Variants in WAS observed in about 807,000 individuals in gnomAD.
WAS encodes the protein WASP actin nucleation promoting factor.
Under a neutral mutation model 38.9 loss-of-function variants are expected in WAS, and 1 was observed. That is an observed-to-expected ratio of 0.03 (90% confidence interval 0.01 to 0.12). The LOEUF (loss-of-function observed/expected upper bound fraction) is 0.12. Among genes scored for constraint, WAS ranks in the 10% least tolerant of loss-of-function variants. The pLI is 1.00. For missense variants in WAS, 311 were observed against 431.2 expected (o/e 0.72, Z 2.47); for synonymous variants, 182 against 173.6 (o/e 1.05, Z -0.38).
chrX:48,689,111 G>A (rs1557007380), intron 10 of WAS, 45 bp downstream of exon 10: 1 of 1,155,917 alleles, frequency 8.7e-7, no homozygotes, highest in Non-Finnish European at 1.2e-6. Context: ...GGACTCTGGG[G>A]TGTCCCGTCT....
At chrX:48,677,549 G>T (rs1365852550) in intron 1 of WAS, among the ~76,000 whole-genome samples, 1 of 112,216 alleles carries the variant, frequency 8.9e-6, no homozygotes, top group Non-Finnish European at 1.9e-5. Flanking sequence ...CTGAGGCCCT[G>T]TAGAGGTTAC....
rs782247964 is a variant in WAS at position 48,688,627 on chromosome X, G to A, written c.932-33G>A. On this transcript the variant is annotated intron_variant, in intron 9 of 11. Transcript: ENST00000376701. ...ACTGAGGCTCAGAAGAAATCAATGA[G>A]AGTTACAGCTATGTGTTATACCCCC... 6.6e-6 allele frequency: 8 copies of A among 1,208,133 alleles called. No individual in the cohort carries two copies. In the South Asian group the frequency reaches 1.1e-4, roughly 16 times the overall value.
At chrX:48,684,572 C>A in intron 2 of WAS, 149 bp downstream of exon 2, 2 of 764,840 alleles carry the variant, frequency 2.6e-6, no homozygotes, top group Non-Finnish European at 3.8e-6. Context: ...AGATGGCAAA[C>A]TCTGACTTGC....
upstream of WAS, among the ~76,000 whole-genome samples, chrX:48,680,700 G>A (rs984047818): frequency 1.3e-4 from 14 of 111,689 alleles, no homozygotes; most frequent in Non-Finnish European, 1.7e-4. Flanking sequence ...TTCAGTTCCC[G>A]GAATTGCCCA....
At position 48,691,232 on chromosome X, in the gene WAS, C is replaced by T; in HGVS notation, c.*70C>T. ...GGCTCCCCCTCCACCTGCTCTGTGCCCACCCTCCACTCTCCTCTTCCAGGC... is the reference window on the plus strand; with the variant it reads ...GGCTCCCCCTCCACCTGCTCTGTGCTCACCCTCCACTCTCCTCTTCCAGGC... On this transcript the variant is annotated 3_prime_UTR_variant, in exon 12 of 12. Coordinates refer to ENST00000376701, the MANE Select transcript of WAS (RefSeq NM_000377.3). 9.6e-7 allele frequency: 1 copy of T among 1,045,184 alleles called. No individual in the cohort carries two copies. Among genetic ancestry groups the T allele is most frequent in the Non-Finnish European group, 1.3e-6 (1 of 748,025 alleles). 86.1% of individuals were successfully genotyped at this position (1,045,184 alleles called of 1,213,427 possible).
At chrX:48,680,762 T>C (rs1195626947), upstream of WAS, among the ~76,000 whole-genome samples, 2 of 111,884 alleles carry the variant, frequency 1.8e-5, no homozygotes, top group African/African-American at 6.5e-5. Context: ...AGCATATAAT[T>C]AAGAAATAAC....
intron 6 of WAS, 76 bp downstream of exon 6, chrX:48,686,210 C>T (rs1373411707): frequency 8.1e-6 from 9 of 1,107,150 alleles, no homozygotes; most frequent in South Asian, 7.5e-5. Flanking sequence ...TGGATGGGTG[C>T]GTAAGTGGGT....
chrX:48,685,666 G>T, intron 3 of WAS, 33 bp downstream of exon 3: 2 of 1,174,964 alleles, frequency 1.7e-6, no homozygotes, highest in Non-Finnish European at 2.3e-6. Flanking sequence ...GGCCTCACTT[G>T]GGGTGTGGAG....
chrX:48,680,253 A>G (rs184154293), upstream of WAS, among the ~76,000 whole-genome samples: 515 of 111,872 alleles, frequency 4.6e-3, 4 homozygotes, highest in African/African-American at 0.016. Flanking sequence ...AAGAAGTTAC[A>G]GAAGATGAAT....
chrX:48,682,462 G>A (rs782730039), upstream of WAS, among the ~76,000 whole-genome samples: 10 of 112,533 alleles, frequency 8.9e-5, no homozygotes, highest in African/African-American at 3.2e-4. Context: ...TGCTATGTGA[G>A]TGTTAAGATA....
At chrX:48,689,538 T>C in intron 11 of WAS, 104 bp downstream of exon 11, 1 of 671,929 alleles carries the variant, frequency 1.5e-6, no homozygotes, top group Non-Finnish European at 2.4e-6. Context: ...CCCCATCTGT[T>C]TGACAGCATT....
rs200530781 is a variant in WAS, at chrX:48,683,983, T to G, written c.130T>G (p.Leu44Val). 4.1e-6 allele frequency: 5 copies of G among 1,208,540 alleles called. No homozygotes were observed. The African/African-American group carries it at 5.3e-5, about 13-fold the overall frequency. The change falls in exon 1 of 12, where the codon TTG (leucine) becomes GTG (valine). Residue 44 changes from leucine to valine, a missense_variant and splice_region_variant. By Grantham distance (32) the Leu-to-Val change is conservative (BLOSUM62 1). This residue lies in a region of WAS where 64 missense variants were observed against 122.5 expected (regional missense o/e 0.52). Transcript: ENST00000376701. Reference protein sequence around the residue: ...RLFEMLGRKCLTLATAVVQLY... With the variant: ...RLFEMLGRKCVTLATAVVQLY... ...CTTTGAGATGCTTGGACGAAAATGCTTGGTGAGCTGGGGATCTCCTGCCCC... is the reference window on the plus strand; with the variant it reads ...CTTTGAGATGCTTGGACGAAAATGCGTGGTGAGCTGGGGATCTCCTGCCCC...
At chrX:48,684,009 C>T (rs782451927) in intron 1 of WAS, 24 bp downstream of exon 1, 15 of 1,206,983 alleles carry the variant, frequency 1.2e-5, no homozygotes, top group East Asian at 8.9e-5. Flanking sequence ...CTCCTGCCCC[C>T]GCCCCGTCCC....
chrX:48,689,239 A>G, intron 10 of WAS, 81 bp from the exon 11 acceptor site: 1 of 988,497 alleles, frequency 1.0e-6, no homozygotes, highest in Non-Finnish European at 1.4e-6. Flanking sequence ...TGTGTGGGAG[A>G]GAAAATATTG....
chrX:48,683,698 G>A (rs2062409419), upstream of WAS: 3 of 807,072 alleles, frequency 3.7e-6, no homozygotes, highest in Admixed American at 3.8e-5. Context: ...TCAGCCTAAC[G>A]AGGAGGCCAG....
At chrX:48,686,038 G>A in intron 5 of WAS, 43 bp from the exon 6 acceptor site, 1 of 1,210,954 alleles carries the variant, frequency 8.3e-7, no homozygotes, top group Non-Finnish European at 1.1e-6. Flanking sequence ...CCAGGAACCT[G>A]TGGCAGGGCT....
chrX:48,678,083 TTGTAA>T (rs1157253067), intron 1 of WAS, among the ~76,000 whole-genome samples: 6 of 111,672 alleles, frequency 5.4e-5, no homozygotes, highest in African/African-American at 2.0e-4. Flanking sequence ...CCAGCAAGAC[TTGTAA>T]TGTACATGAA....
intron 1 of WAS, among the ~76,000 whole-genome samples, chrX:48,677,735 C>T (rs2062393902): frequency 8.9e-6 from 1 of 111,793 alleles, no homozygotes; most frequent in Non-Finnish European, 1.9e-5. Context: ...TCCATTTGCC[C>T]ACAGCGTCAG....
chrX:48,682,253 C>T (rs2062402693), upstream of WAS, among the ~76,000 whole-genome samples: 1 of 112,137 alleles, frequency 8.9e-6, no homozygotes, highest in Non-Finnish European at 1.9e-5. Context: ...AGAATATGGA[C>T]ACCCAGGCTG....
Sources: gnomAD v4.1 joint callset for allele counts (sites outside exome capture counted in the v4.1 genomes callset) on GRCh38, gnomAD v4.1.1 for gene constraint, gnomAD v4.1.1 regional missense constraint, MANE v1.5 for transcripts, NCBI Gene and HGNC (gene_info 2026-07-23, HGNC 2026-07-21) for gene names.